The following ADCY4 variants were observed in gnomAD, a reference collection of about 807,000 sequenced individuals.
ADCY4 encodes the protein adenylate cyclase 4.
ADCY4 carries 111 observed loss-of-function variants against 125.5 expected under a neutral mutation model. The ratio of observed to expected loss-of-function variants is 0.88; its 90% CI spans 0.76 to 1.04. The LOEUF is 1.04. Ranked by LOEUF, ADCY4 falls within the 50% of genes least tolerant of loss-of-function variation. The pLI is 0.00. For missense variants in ADCY4, 1,256 were observed against 1,382.9 expected, an observed-to-expected ratio of 0.91 and a Z score of 1.46; for synonymous variants, 576 against 586.9, an observed-to-expected ratio of 0.98 and a Z score of 0.27.
rs1002854814 is a variant in ADCY4 at position 24,331,087 on chromosome 14, G to A, written c.861C>T (p.Ser287=). The A allele has an allele frequency of 1.4e-5, 23 of 1,613,360 alleles. No homozygotes were observed. Among genetic ancestry groups the A allele is most frequent in the Admixed American group, 5.0e-5 (3 of 59,974 alleles). Reference sequence around the variant, plus strand: ...GCACCAGCTCCTTAGGGGAACACTCGCTGGCCAGCCGCGTGAAGCCCACGA... The same window carrying A: ...GCACCAGCTCCTTAGGGGAACACTCACTGGCCAGCCGCGTGAAGCCCACGA... ...ADIVGFTRLA[S]ECSPKELVLM... Residue 287 remains serine, a synonymous_variant, in exon 6 of 25, where the codon AGC becomes AGT. Transcript: ENST00000418030.
Position 24,319,401 on chromosome 14 carries a change from C to A in ADCY4, c.2769G>T (p.Lys923Asn). 6.2e-7 allele frequency: 1 copy of A among 1,614,198 alleles called. No individual in the cohort carries two copies. The change falls in exon 22 of 25, where the codon AAG becomes AAT. Residue 923 changes from lysine to asparagine, a missense_variant. By Grantham distance (94) the Lys-to-Asn change is moderately conservative (BLOSUM62 0). Coordinates refer to ENST00000418030, the MANE Select transcript of ADCY4 (RefSeq NM_001198568.2). The surrounding 1 kb of genome is among the most constrained non-coding windows in gnomAD (Gnocchi z 4.5). ...LSKPKFSGVEKIKTIGSTYMA... is the reference protein window; with the variant it reads ...LSKPKFSGVENIKTIGSTYMA... ...TGTAGGTGCTGCCGATGGTCTTGAT[C>A]TTCTCCACCCCACTGAACTTGGGCT...
chr14:24,334,811 C>T lies in ADCY4; in HGVS notation c.-159G>A, dbSNP rs1232320588. On this transcript the variant is annotated 5_prime_UTR_variant, in exon 1 of 25. Coordinates refer to ENST00000418030, the MANE Select transcript of ADCY4 (RefSeq NM_001198568.2). ...AATCCCGTCTCCTTTTTCAGGCCCT[C>T]CCTGCGGCCTCCCAGCCCGCTCCCA... 3.2e-6 allele frequency: 2 copies of T among 616,272 alleles called. No individual in the cohort carries two copies. The highest frequency in any genetic ancestry group is 5.5e-6 in the Non-Finnish European group (2 of 362,806). 38.2% of individuals were successfully genotyped at this position (616,272 alleles called of 1,614,324 possible).
intron 10 of ADCY4, among the ~76,000 whole-genome samples, chr14:24,327,244 G>C (rs1234133911): frequency 6.6e-6 from 1 of 152,104 alleles, no homozygotes; most frequent in Non-Finnish European, 1.5e-5. Flanking sequence ...GGGCTAAGTG[G>C]ATTTCTGTGC....
At position 24,326,142 on chromosome 14, in the gene ADCY4, T is replaced by C; in HGVS notation, c.1592A>G (p.Asp531Gly). ...LDRSRTPRGL[D>G]DELDTGDAKF... ...GGCATCCCCGGTGTCCAGTTCATCA[T>C]CTAGTCCCCGGGGGGTACGGCTCCT... Residue 531 changes from aspartate to glycine, a missense_variant, in exon 12 of 25, where the codon GAT becomes GGT. Asp to Gly is a moderately conservative substitution (Grantham distance 94). Transcript: ENST00000418030. The C allele has an allele frequency of 6.3e-7, 1 of 1,593,490 alleles. No individual in the cohort carries two copies. The highest frequency in any genetic ancestry group is 8.6e-7 in the Non-Finnish European group (1 of 1,167,342).
At chr14:24,325,579 G>C (rs2139206231) in intron 13 of ADCY4, 105 bp from the exon 14 acceptor site, 4 of 1,067,462 alleles carry the variant, frequency 3.7e-6, no homozygotes, top group Middle Eastern at 5.5e-4. Context: ...CACCGCCCAG[G>C]CTCCAGTTCA....
Position 24,323,406 on chromosome 14 carries a change from A to T in ADCY4, c.2095T>A (p.Ser699Thr), listed in dbSNP as rs1353613908. 5.8e-6 allele frequency: 9 copies of T among 1,557,242 alleles called. No homozygotes were observed. The highest frequency in any genetic ancestry group is 7.8e-6 in the Non-Finnish European group (9 of 1,149,464). Residue 699 changes from serine to threonine, a missense_variant, in exon 17 of 25, where the codon TCC (serine) becomes ACC (threonine). By Grantham distance (58) the Ser-to-Thr change is moderately conservative (BLOSUM62 1). Coordinates refer to ENST00000418030, the MANE Select transcript of ADCY4 (RefSeq NM_001198568.2). ...CAGGAGAGGTTGGAAATCATGGAGGACACATTGGGAGCTTGGAAAGGGCAG... is the reference window on the plus strand; with the variant it reads ...CAGGAGAGGTTGGAAATCATGGAGGTCACATTGGGAGCTTGGAAAGGGCAG... Reference protein sequence around the residue: ...SDCPFQAPNVSSMISNLSWEL... With the variant: ...SDCPFQAPNVTSMISNLSWEL...
At chr14:24,330,657 A>G in intron 6 of ADCY4, 1 of 340,388 alleles carries the variant, frequency 2.9e-6, no homozygotes, top group Non-Finnish European at 5.4e-6. Flanking sequence ...TGCTGGGCTG[A>G]GGTTGCATAG....
chr14:24,323,923 TTTTC>T (rs1257491818), intron 16 of ADCY4, 135 bp downstream of exon 16: 2 of 1,264,334 alleles, frequency 1.6e-6, no homozygotes, highest in African/African-American at 1.5e-5. Flanking sequence ...ACTGTAATTT[TTTTC>T]TTTCTATTTG....
In ADCY4 at chr14:24,334,550, C is replaced by A; in HGVS notation, c.103G>T (p.Gly35Trp). ...GCCGCGAGCGCACAGAGCACGATCC[C>A]CAGCAGCAGCAGCAGCAGCGGGTAC... ...QQYPLLLLLLGIVLCALAALL... is the reference protein window; with the variant it reads ...QQYPLLLLLLWIVLCALAALL... The change falls in exon 1 of 25, where the codon GGG (glycine) becomes TGG (tryptophan). Residue 35 changes from glycine (G) to tryptophan (W), a missense_variant. By Grantham distance (184) the Gly-to-Trp change is radical (BLOSUM62 -2). Transcript: ENST00000418030. 6.3e-7 allele frequency: 1 copy of A among 1,582,822 alleles called. No homozygotes were observed. Among genetic ancestry groups the A allele is most frequent in the East Asian group, 2.3e-5 (1 of 43,646 alleles).
chr14:24,328,854 T>G (rs1594663289), intron 10 of ADCY4: 4 of 633,890 alleles, frequency 6.3e-6, no homozygotes, highest in Non-Finnish European at 1.1e-5. Context: ...TTCTCTGAGG[T>G]GAGCTGGAGG....
chr14:24,324,179 G>A lies in ADCY4; in HGVS notation c.1929C>T (p.Pro643=), dbSNP rs2041902107. The change falls in exon 16 of 25, where the codon CCC becomes CCT. Residue 643 remains proline (P), a synonymous_variant. Transcript: ENST00000418030. ...EDLMRCVLKG[P]KMLHWLPALS... Reference sequence around the variant, plus strand: ...GTGCAGGCAGCCAGTGCAGCATCTTGGGGCCTTTCAGGACACACCTCTGTG... The same window carrying A: ...GTGCAGGCAGCCAGTGCAGCATCTTAGGGCCTTTCAGGACACACCTCTGTG... 1.2e-6 allele frequency: 2 copies of A among 1,614,226 alleles called. No individual in the cohort carries two copies. Among genetic ancestry groups the A allele is most frequent in the African/African-American group, 1.3e-5 (1 of 75,062 alleles).
At chr14:24,321,741 A>G (rs1347929801) in intron 20 of ADCY4, 2 of 1,006,216 alleles carry the variant, frequency 2.0e-6, no homozygotes, top group African/African-American at 3.4e-5. Flanking sequence ...CCAGTTCCCA[A>G]CAGGTCATGG....
chr14:24,319,043 C>A lies in ADCY4; in HGVS notation c.2956+55G>T. The A allele has an allele frequency of 6.3e-7, 1 of 1,592,408 alleles. No homozygotes were observed. Among genetic ancestry groups the A allele is most frequent in the Non-Finnish European group, 8.6e-7 (1 of 1,162,306 alleles). On this transcript the variant is annotated intron_variant, in intron 23 of 24. Coordinates refer to ENST00000418030, the MANE Select transcript of ADCY4 (RefSeq NM_001198568.2). This position sits in a 1 kb window ranked among gnomAD's most constrained non-coding sequence, Gnocchi z 4.5. ...AGCTAACAAAGGACTTGGAGTGGGGCAAGCTCAGGAAGGTGAGGAGGTACC... is the reference window on the plus strand; with the variant it reads ...AGCTAACAAAGGACTTGGAGTGGGGAAAGCTCAGGAAGGTGAGGAGGTACC...
chr14:24,329,919 G>A lies in ADCY4; in HGVS notation c.1158C>T (p.Tyr386=), dbSNP rs144713022. ...CGVIGLQKWQ[Y]DVWSHDVTLA... is the part of the protein sequence containing the mutation. ...GTGTGACATCATGTGACCAAACGTCGTACTGCCACTTCTGCAGCCCGATGA... is the reference window on the plus strand; with the variant it reads ...GTGTGACATCATGTGACCAAACGTCATACTGCCACTTCTGCAGCCCGATGA... The change falls in exon 8 of 25, where the codon TAC becomes TAT. Residue 386 remains tyrosine (Y), a synonymous_variant. Coordinates refer to ENST00000418030, the MANE Select transcript of ADCY4 (RefSeq NM_001198568.2). 182 of 1,613,964 alleles carry A rather than the reference G, an allele frequency of 1.1e-4. No individual in the cohort carries two copies. Among genetic ancestry groups the A allele is most frequent in the Non-Finnish European group, 1.2e-4 (137 of 1,180,010 alleles).
rs574680289 is a variant in ADCY4 at position 24,324,559 on chromosome 14, G to T, written c.1824-168C>A. Among the ~76,000 whole-genome samples the T allele has an allele frequency of 3.3e-5, 5 of 152,312 alleles. No individual in the cohort carries two copies. The East Asian group carries it at 9.7e-4, about 29-fold the overall frequency. ...AAGACATTGCATTCTGATGATCTGG[G>T]TTGGCTGGCTTAAGGGTCTAGAGCA... On this transcript the variant is annotated intron_variant, in intron 14 of 24. Coordinates refer to ENST00000418030, the MANE Select transcript of ADCY4 (RefSeq NM_001198568.2).
Position 24,324,363 on chromosome 14 carries a change from T to C in ADCY4, c.1852A>G (p.Ile618Val), listed in dbSNP as rs1274984878. Residue 618 changes from isoleucine (I) to valine (V), a missense_variant, in exon 15 of 25, where the codon ATC becomes GTC. By Grantham distance (29) the Ile-to-Val change is conservative. Coordinates refer to ENST00000418030, the MANE Select transcript of ADCY4 (RefSeq NM_001198568.2). Reference sequence around the variant, plus strand: ...ATGAGGAGGAAGAGGAGGAAGGTGATGCTATACGTGATGGCCAGAGCTGGG... The same window carrying C: ...ATGAGGAGGAAGAGGAGGAAGGTGACGCTATACGTGATGGCCAGAGCTGGG... ...RPPALAITYSITFLLFLLILF... is the reference protein window; with the variant it reads ...RPPALAITYSVTFLLFLLILF... 6.2e-6 allele frequency: 10 copies of C among 1,614,170 alleles called. No homozygotes were observed. The highest frequency in any genetic ancestry group is 8.5e-6 in the Non-Finnish European group (10 of 1,180,002).
intron 20 of ADCY4, among the ~76,000 whole-genome samples, chr14:24,321,247 C>T (rs1173236685): frequency 1.5e-5 from 1 of 67,948 alleles, no homozygotes; most frequent in Non-Finnish European, 3.5e-5. Flanking sequence ...CCTGTCTCTA[C>T]TAAAAAAAAA....
Position 24,332,773 on chromosome 14 carries a change from G to T in ADCY4, c.357+18C>A. ...AAGCCCGGGCCGTCCCCGCTGCCCCGCCTGCCGCCCCTCTCACCTGGTCCC... is the reference window on the plus strand; with the variant it reads ...AAGCCCGGGCCGTCCCCGCTGCCCCTCCTGCCGCCCCTCTCACCTGGTCCC... On this transcript the variant is annotated intron_variant, in intron 2 of 24. Transcript: ENST00000418030. 1 of 1,534,740 alleles carries T rather than the reference G, an allele frequency of 6.5e-7. No homozygotes were observed. Among genetic ancestry groups the T allele is most frequent in the South Asian group, 1.2e-5 (1 of 83,660 alleles).
intron 18 of ADCY4, 61 bp downstream of exon 18, chr14:24,322,843 C>T: frequency 6.5e-7 from 1 of 1,545,888 alleles, no homozygotes; most frequent in Admixed American, 2.0e-5. Context: ...GACAGCTCTG[C>T]TGTATCCCAT....
Sources: gnomAD v4.1 joint callset for allele counts (sites outside exome capture counted in the v4.1 genomes callset) on GRCh38, gnomAD v4.1.1 for gene constraint, Gnocchi (gnomAD v3.1) non-coding constraint, MANE v1.5 for transcripts, NCBI Gene and HGNC (gene_info 2026-07-23, HGNC 2026-07-21) for gene names.